The following NFIL3 variants were observed in gnomAD, a reference collection of about 807,000 sequenced individuals.
The protein encoded by NFIL3 is nuclear factor, interleukin 3 regulated.
In NFIL3, 5 loss-of-function variants were observed where a neutral mutation model predicts 10.0. That is an observed-to-expected ratio of 0.50 (90% CI 0.26 to 1.06). NFIL3 has a LOEUF of 1.06. Among genes scored for constraint, NFIL3 ranks in the 50% least tolerant of loss-of-function variants. The probability of loss-of-function intolerance (pLI) is 0.13; values close to 1 mark genes in which losing one functional copy is unlikely to be tolerated. For missense variants in NFIL3, 436 were observed against 547.6 expected, an observed-to-expected ratio of 0.80 and a Z score of 2.03; for synonymous variants, 202 against 206.5, an observed-to-expected ratio of 0.98 and a Z score of 0.19.
chr9:91,434,457 C>G, the NFIL3 span, among the ~76,000 whole-genome samples: 1 of 152,056 alleles, frequency 6.6e-6, no homozygotes, highest in African/African-American at 2.4e-5. Context: ...TAAAAATATT[C>G]CCGTAATATT....
chr9:91,410,822 T>C lies in NFIL3; in HGVS notation c.-88A>G. ...GCTCTTTAAAAACTCTGGTTTAAAA[T>C]CCATCAATATTCTTCCTTTTGTTCT... On this transcript the variant is annotated 5_prime_UTR_variant, in exon 2 of 2. Transcript: ENST00000297689. This position sits in a 1 kb window ranked among gnomAD's most constrained non-coding sequence, Gnocchi z 5.7. The C allele has an allele frequency of 7.5e-7, 1 of 1,329,830 alleles. No individual in the cohort carries two copies. Among genetic ancestry groups the C allele is most frequent in the Non-Finnish European group, 1.0e-6 (1 of 979,422 alleles). 82.4% of individuals were successfully genotyped at this position (1,329,830 alleles called of 1,614,324 possible).
chr9:91,454,228 T>C, the NFIL3 span, among the ~76,000 whole-genome samples: 17 of 142,788 alleles, frequency 1.2e-4, no homozygotes, highest in African/African-American at 4.2e-4. Context: ...AGTGAGACTC[T>C]GTCTCAAAAA....
chr9:91,411,104 C>A (rs1833539519), intron 1 of NFIL3, among the ~76,000 whole-genome samples, 198 bp from the exon 2 acceptor site: 1 of 152,096 alleles, frequency 6.6e-6, no homozygotes, highest in Non-Finnish European at 1.5e-5. Flanking sequence ...CTGTAAAGGA[C>A]AAATCCCTAA....
chr9:91,427,019 A>C (rs1394282550), upstream of NFIL3: 1 of 152,148 alleles, frequency 6.6e-6, no homozygotes. Flanking sequence ...CAGCTCTCTC[A>C]TCAATTGCTG....
the NFIL3 span, among the ~76,000 whole-genome samples, chr9:91,443,941 TAAGCTTC>T: frequency 1.3e-5 from 2 of 152,238 alleles, no homozygotes; most frequent in Admixed American, 1.3e-4. Context: ...TGGATAACTT[TAAGCTTC>T]ATGAATCTAG....
chr9:91,412,826 TG>T (rs1379128037), intron 1 of NFIL3, among the ~76,000 whole-genome samples: 1 of 135,086 alleles, frequency 7.4e-6, no homozygotes, highest in Non-Finnish European at 1.5e-5. Context: ...CACTCCAGCC[TG>T]GGGGACAAGA....
At chr9:91,424,307 G>A (rs997446700), upstream of NFIL3, among the ~76,000 whole-genome samples, 4 of 152,196 alleles carry the variant, frequency 2.6e-5, no homozygotes, top group African/African-American at 9.6e-5. Context: ...GCAGCCTGCT[G>A]GGCTACCTGT....
At chr9:91,436,054 G>A in the NFIL3 span, among the ~76,000 whole-genome samples, 2 of 152,312 alleles carry the variant, frequency 1.3e-5, no homozygotes, top group South Asian at 2.1e-4. Flanking sequence ...CAGGTTTGAA[G>A]GCTAAAAAGC....
At chr9:91,422,117 C>T (rs1468509383) in intron 1 of NFIL3, among the ~76,000 whole-genome samples, 2 of 152,198 alleles carry the variant, frequency 1.3e-5, no homozygotes, top group African/African-American at 2.4e-5. Context: ...CCATTCCCTG[C>T]TGTTCTCAGA....
At chr9:91,456,530 T>C in the NFIL3 span, among the ~76,000 whole-genome samples, 1 of 152,124 alleles carries the variant, frequency 6.6e-6, no homozygotes, top group East Asian at 1.9e-4. Context: ...TCCTGAAGTG[T>C]TGACACAATT....
the NFIL3 span, among the ~76,000 whole-genome samples, chr9:91,463,433 T>G: frequency 1.3e-5 from 2 of 151,664 alleles, no homozygotes; most frequent in Non-Finnish European, 2.9e-5. Context: ...AGATATTTAT[T>G]TATTAAATAT....
At chr9:91,460,271 C>CTTTGTTTTTTTTTTTTTTTTTTTTTT in the NFIL3 span, among the ~76,000 whole-genome samples, 1 of 70,444 alleles carries the variant, frequency 1.4e-5, no homozygotes, top group African/African-American at 9.4e-5. Context: ...GGGCTTGGTT[C>CTTTGTTTTTTTTTTTTTTTTTTTTTT]TTTTTTTTTT....
At chr9:91,469,245 T>C in the NFIL3 span, among the ~76,000 whole-genome samples, 6 of 152,254 alleles carry the variant, frequency 3.9e-5, no homozygotes, top group African/African-American at 9.6e-5. Flanking sequence ...AGGTCCTTCA[T>C]GTCCCTTGTA....
At chr9:91,415,884 C>G (rs934388698) in intron 1 of NFIL3, among the ~76,000 whole-genome samples, 1 of 152,174 alleles carries the variant, frequency 6.6e-6, no homozygotes, top group African/African-American at 2.4e-5. Flanking sequence ...GCCACAGCCT[C>G]CCAAAGTGCT....
At chr9:91,458,525 A>C in the NFIL3 span, among the ~76,000 whole-genome samples, 1 of 151,712 alleles carries the variant, frequency 6.6e-6, no homozygotes, top group Non-Finnish European at 1.5e-5. Flanking sequence ...CATTTCTTCT[A>C]TCTTTTTTTT....
chr9:91,417,274 C>T (rs903344327), intron 1 of NFIL3, among the ~76,000 whole-genome samples: 12 of 151,726 alleles, frequency 7.9e-5, no homozygotes, highest in Non-Finnish European at 8.8e-5. Flanking sequence ...TTATATAATA[C>T]AGATAACAGT....
the NFIL3 span, among the ~76,000 whole-genome samples, chr9:91,452,236 G>A: frequency 1.3e-5 from 2 of 152,184 alleles, no homozygotes; most frequent in Non-Finnish European, 2.9e-5. Context: ...CTGCTACCAG[G>A]AAGCTTCATC....
the NFIL3 span, among the ~76,000 whole-genome samples, chr9:91,479,099 C>A: frequency 6.6e-6 from 1 of 152,328 alleles, no homozygotes; most frequent in African/African-American, 2.4e-5. Context: ...TGGGACGTGT[C>A]TCCCAGTTAG....
At position 91,409,053 on chromosome 9, in the gene NFIL3, T is replaced by C; in HGVS notation, c.*293A>G. The C allele has an allele frequency of 7.4e-6, 2 of 268,692 alleles. No individual in the cohort carries two copies. Among genetic ancestry groups the C allele is most frequent in the Non-Finnish European group, 1.4e-5 (2 of 144,296 alleles). The allele number at this position is 268,692 out of a possible 1,614,324, so 16.6% of individuals were successfully genotyped here. On this transcript the variant is annotated 3_prime_UTR_variant, in exon 2 of 2. Coordinates refer to ENST00000297689, the MANE Select transcript of NFIL3 (RefSeq NM_005384.3). Reference sequence around the variant, plus strand: ...ATGCAATGGAGCAGGAGTTCTGTGTTTGTCACCAATCCTTTATTGAAACTG... The same window carrying C: ...ATGCAATGGAGCAGGAGTTCTGTGTCTGTCACCAATCCTTTATTGAAACTG...
Sources: gnomAD v4.1 joint callset for allele counts (sites outside exome capture counted in the v4.1 genomes callset) on GRCh38, gnomAD v4.1.1 for gene constraint, Gnocchi (gnomAD v3.1) non-coding constraint, MANE v1.5 for transcripts, NCBI Gene and HGNC (gene_info 2026-07-23, HGNC 2026-07-21) for gene names.